The following GRAMD1B variants were observed in gnomAD, a reference collection of about 807,000 sequenced individuals.
GRAMD1B encodes the protein GRAM domain containing 1B, also known as protein Aster-B.
GRAMD1B carries 37 observed loss-of-function variants against 99.7 expected under a neutral mutation model. The observed-to-expected ratio is 0.37, with a 90% confidence interval of 0.29 to 0.49. The LOEUF (loss-of-function observed/expected upper bound fraction) is 0.49, where lower values mean the gene tolerates loss of function less well. GRAMD1B is among the 20% of genes least tolerant of loss of function. The pLI is 0.98. For synonymous variants in GRAMD1B, 427 were observed against 387.6 expected (o/e 1.10, Z -1.19); for missense variants, 888 against 1,009.2 (o/e 0.88, Z 1.63).
At chr11:123,463,525 G>C (rs1359141687) in intron 1 of GRAMD1B, among the ~76,000 whole-genome samples, 1 of 152,222 alleles carries the variant, frequency 6.6e-6, no homozygotes, top group Non-Finnish European at 1.5e-5. Flanking sequence ...CACTAAAGGA[G>C]GTGTTCTCTG....
intron 2 of GRAMD1B, among the ~76,000 whole-genome samples, chr11:123,489,764 A>G (rs1464521674): frequency 6.6e-6 from 1 of 152,218 alleles, no homozygotes; most frequent in Non-Finnish European, 1.5e-5. Context: ...TCTTGTTTTA[A>G]TATGGAGAGA....
chr11:123,458,177 A>G (rs1021541452), intron 1 of GRAMD1B, among the ~76,000 whole-genome samples: 1 of 152,200 alleles, frequency 6.6e-6, no homozygotes, highest in Non-Finnish European at 1.5e-5. Context: ...GAGAAGTCCC[A>G]CAACACACCG....
At position 123,622,486 on chromosome 11, in the gene GRAMD1B, TG is replaced by T; in HGVS notation, c.2545-16del. ...TAAAAGCGCAGACCCAGGCCTGGGGTGGGGTTTTCTGTCTTGCAGATGAAGG... is the reference window on the plus strand; with the variant it reads ...TAAAAGCGCAGACCCAGGCCTGGGGTGGGTTTTCTGTCTTGCAGATGAAGG... On this transcript the variant is annotated intron_variant, in intron 19 of 19. Transcript: ENST00000635736. The T allele has an allele frequency of 1.4e-6, 2 of 1,471,754 alleles. No individual in the cohort carries two copies. Among genetic ancestry groups the T allele is most frequent in the Non-Finnish European group, 1.9e-6 (2 of 1,074,544 alleles). The allele number at this position is 1,471,754 out of a possible 1,614,324, so 91.2% of individuals were successfully genotyped here.
upstream of GRAMD1B, among the ~76,000 whole-genome samples, chr11:123,425,590 G>A (rs1174393548): frequency 6.6e-6 from 1 of 152,190 alleles, no homozygotes; most frequent in Non-Finnish European, 1.5e-5. Flanking sequence ...TGGCCCCTGT[G>A]AGGGCTGTTG....
At chr11:123,577,661 C>T (rs916815047) in intron 3 of GRAMD1B, 84 bp downstream of exon 3, 5 of 1,024,088 alleles carry the variant, frequency 4.9e-6, no homozygotes, top group Non-Finnish European at 7.3e-6. Context: ...AGAACATCTG[C>T]GAGGGTCCTC....
intron 1 of GRAMD1B, 94 bp from the exon 2 acceptor site, chr11:123,480,722 C>A (rs1336583158): frequency 2.5e-6 from 1 of 397,188 alleles, no homozygotes; most frequent in African/African-American, 2.1e-5. Context: ...AATTTTGTAA[C>A]CCCATGTCTT....
At chr11:123,390,999 CTGAG>C (rs1350847927) in intron 1 of GRAMD1B, among the ~76,000 whole-genome samples, 2 of 152,260 alleles carry the variant, frequency 1.3e-5, no homozygotes, top group Admixed American at 6.5e-5. Context: ...TTCTAGGCCA[CTGAG>C]TGTTACCGGA....
chr11:123,368,726 A>G (rs985869123), intron 1 of GRAMD1B, among the ~76,000 whole-genome samples: 1 of 151,616 alleles, frequency 6.6e-6, no homozygotes. Context: ...AAAAAAGAAA[A>G]GTAAGGTAAT....
intron 7 of GRAMD1B, among the ~76,000 whole-genome samples, chr11:123,600,032 G>A (rs1158457374): frequency 6.6e-6 from 1 of 152,184 alleles, no homozygotes. Flanking sequence ...CACACATGTA[G>A]ATTAGTGCCT....
Position 123,482,582 on chromosome 11 carries a change from C to A in GRAMD1B, c.452+1689C>A, listed in dbSNP as rs140650568. On this transcript the variant is annotated intron_variant, in intron 2 of 19. Coordinates refer to ENST00000635736, the MANE Select transcript of GRAMD1B (RefSeq NM_001387025.1). Reference sequence around the variant, plus strand: ...TAATATGACACAACTACCAAATGATCTTTGAAAGTTTTTAATTCATTCATG... The same window carrying A: ...TAATATGACACAACTACCAAATGATATTTGAAAGTTTTTAATTCATTCATG... Among the ~76,000 whole-genome samples, 140 of 152,236 alleles carry A rather than the reference C, an allele frequency of 9.2e-4. 1 individual carries two copies. Among genetic ancestry groups the A allele is most frequent in the African/African-American group, 3.2e-3 (135 of 41,540 alleles).
In GRAMD1B at chr11:123,618,796, G is replaced by A; in HGVS notation, c.2422G>A (p.Glu808Lys). ...LTAWQGLRLQ[E>K]RLPQSQTEWA... Reference sequence around the variant, plus strand: ...TGCCTGGCAGGGTCTAAGGCTCCAAGAAAGGTAATCCTGGCCTCGTCCCCT... The same window carrying A: ...TGCCTGGCAGGGTCTAAGGCTCCAAAAAAGGTAATCCTGGCCTCGTCCCCT... The change falls in exon 18 of 20, where the codon GAA becomes AAA. Residue 808 changes from glutamate (E) to lysine (K), a missense_variant. Coordinates refer to ENST00000635736, the MANE Select transcript of GRAMD1B (RefSeq NM_001387025.1). 1 of 1,512,926 alleles carries A rather than the reference G, an allele frequency of 6.6e-7. No individual in the cohort carries two copies. The highest frequency in any genetic ancestry group is 9.1e-7 in the Non-Finnish European group (1 of 1,104,726). 93.7% of individuals were successfully genotyped at this position (1,512,926 alleles called of 1,614,324 possible).
At chr11:123,564,095 T>C (rs1947095756) in intron 2 of GRAMD1B, among the ~76,000 whole-genome samples, 1 of 152,222 alleles carries the variant, frequency 6.6e-6, no homozygotes, top group Non-Finnish European at 1.5e-5. Flanking sequence ...GCAGGACATG[T>C]GGCGTGTCAC....
intron 1 of GRAMD1B, among the ~76,000 whole-genome samples, chr11:123,408,517 G>A (rs550047369): frequency 2.1e-3 from 324 of 152,336 alleles, no homozygotes; most frequent in African/African-American, 7.2e-3. Flanking sequence ...ACTTGGATGA[G>A]TTGATGTGTA....
intron 1 of GRAMD1B, among the ~76,000 whole-genome samples, chr11:123,393,887 C>T (rs1206915820): frequency 6.6e-6 from 1 of 152,136 alleles, no homozygotes; most frequent in Non-Finnish European, 1.5e-5. Flanking sequence ...CTCTTTTTAT[C>T]TTTGAATAGA....
intron 1 of GRAMD1B, among the ~76,000 whole-genome samples, chr11:123,468,492 T>A (rs1361054553): frequency 6.6e-6 from 1 of 152,090 alleles, no homozygotes; most frequent in Admixed American, 6.5e-5. Flanking sequence ...ATGATAATTG[T>A]TATGATAAAG....
chr11:123,445,313 G>T (rs1949588617), intron 1 of GRAMD1B, among the ~76,000 whole-genome samples: 13 of 152,142 alleles, frequency 8.5e-5, no homozygotes. Context: ...GAGCATTCGT[G>T]TTCTGGCTGG....
chr11:123,582,908 C>G (rs924458434), intron 3 of GRAMD1B, among the ~76,000 whole-genome samples: 1 of 152,198 alleles, frequency 6.6e-6, no homozygotes, highest in African/African-American at 2.4e-5. Context: ...AGGTATTGAT[C>G]TGTGAGCAAA....
At chr11:123,568,949 C>T (rs1264071044) in intron 2 of GRAMD1B, among the ~76,000 whole-genome samples, 1 of 152,126 alleles carries the variant, frequency 6.6e-6, no homozygotes, top group African/African-American at 2.4e-5. Flanking sequence ...TCTCTTAGAA[C>T]AGTGCAGGTC....
At chr11:123,611,218 T>C (rs1953507908) in intron 14 of GRAMD1B, among the ~76,000 whole-genome samples, 1 of 152,124 alleles carries the variant, frequency 6.6e-6, no homozygotes, top group African/African-American at 2.4e-5. Context: ...GAGGGATTGC[T>C]TGAGCCCAGG....
Sources: gnomAD v4.1 joint callset for allele counts (sites outside exome capture counted in the v4.1 genomes callset) on GRCh38, gnomAD v4.1.1 for gene constraint, MANE v1.5 for transcripts, NCBI Gene and HGNC (gene_info 2026-07-23, HGNC 2026-07-21) for gene names.